RGS7BP: variants seen among roughly 807,000 people sequenced by gnomAD.
RGS7BP encodes the protein regulator of G protein signaling 7-binding protein.
Under a neutral mutation model 31.3 loss-of-function variants are expected in RGS7BP, and 9 were observed. The observed-to-expected ratio is 0.29, with a 90% CI of 0.17 to 0.50. The LOEUF is 0.50. Ranked by LOEUF, RGS7BP falls within the 20% of genes least tolerant of loss-of-function variation. The pLI is 0.98. For synonymous variants in RGS7BP, 115 were observed against 120.1 expected, an observed-to-expected ratio of 0.96 and a Z score of 0.28; for missense variants, 274 against 322.0, an observed-to-expected ratio of 0.85 and a Z score of 1.14.
chr5:64,517,570 G>C (rs1362980905), intron 2 of RGS7BP, among the ~76,000 whole-genome samples: 1 of 152,060 alleles, frequency 6.6e-6, no homozygotes, highest in African/African-American at 2.4e-5. Context: ...ATCCATACTT[G>C]TTAACCAGTA....
At chr5:64,513,167 C>T (rs1748884996) in intron 2 of RGS7BP, among the ~76,000 whole-genome samples, 2 of 152,156 alleles carry the variant, frequency 1.3e-5, no homozygotes, top group African/African-American at 4.8e-5. Context: ...AGATCCAAAC[C>T]TAGTACATTC....
intron 5 of RGS7BP, among the ~76,000 whole-genome samples, chr5:64,605,099 CCT>C (rs1561352254): frequency 6.6e-6 from 1 of 151,918 alleles, no homozygotes; most frequent in Non-Finnish European, 1.5e-5. Context: ...TCCTATTCTC[CCT>C]CTTTTTTTTT....
chr5:64,522,569 A>G (rs1749134020), intron 2 of RGS7BP, among the ~76,000 whole-genome samples: 1 of 152,210 alleles, frequency 6.6e-6, no homozygotes, highest in Non-Finnish European at 1.5e-5. Flanking sequence ...GTACTGTACC[A>G]TCATTGAATA....
chr5:64,606,006 A>G (rs1055583661), intron 5 of RGS7BP, among the ~76,000 whole-genome samples: 3 of 136,612 alleles, frequency 2.2e-5, no homozygotes, highest in African/African-American at 8.3e-5. Context: ...TGCTATATAT[A>G]TGTATATCTG....
intron 2 of RGS7BP, among the ~76,000 whole-genome samples, chr5:64,512,293 A>G (rs1244292510): frequency 1.3e-5 from 2 of 152,224 alleles, no homozygotes. Flanking sequence ...GATGGGAAAG[A>G]GCACTGATTC....
intron 2 of RGS7BP, among the ~76,000 whole-genome samples, chr5:64,552,029 A>C (rs1290485588): frequency 6.6e-6 from 1 of 152,198 alleles, no homozygotes; most frequent in Non-Finnish European, 1.5e-5. Flanking sequence ...TAGAAGCTGG[A>C]TATGTGCCTT....
chr5:64,528,112 C>T (rs1749277180), intron 2 of RGS7BP, among the ~76,000 whole-genome samples: 1 of 152,186 alleles, frequency 6.6e-6, no homozygotes, highest in African/African-American at 2.4e-5. Context: ...AATGTACTAA[C>T]CTTAGACTTG....
intron 5 of RGS7BP, among the ~76,000 whole-genome samples, chr5:64,607,273 T>A (rs62372276): frequency 0.11 from 17,130 of 152,136 alleles, 994 homozygotes; most frequent in Middle Eastern, 0.18. Context: ...AAAAAGTATC[T>A]GAGACACATC....
In RGS7BP at chr5:64,506,838, TG is replaced by T. The variant is rs71608566; in HGVS notation, c.165+55del. The T allele has an allele frequency of 1.4e-6, 2 of 1,436,130 alleles. No individual in the cohort carries two copies. The highest frequency in any genetic ancestry group is 9.4e-7 in the Non-Finnish European group (1 of 1,068,022). 89.0% of individuals were successfully genotyped at this position (1,436,130 alleles called of 1,614,324 possible). A position where few individuals can be genotyped will look rare whatever the true frequency, so the allele number is the denominator to read the frequency against. ...TTTTTTTTTTTTAATTGAGAGGGGGTGGGGGGAGTCATGTATGTTAATCATT... is the reference window on the plus strand; with the variant it reads ...TTTTTTTTTTTTAATTGAGAGGGGGTGGGGGAGTCATGTATGTTAATCATT... On this transcript the variant is annotated intron_variant, in intron 1 of 5. Coordinates refer to ENST00000334025, the MANE Select transcript of RGS7BP (RefSeq NM_001029875.3). The surrounding 1 kb of genome is among the most constrained non-coding windows in gnomAD (Gnocchi z 4.6).
chr5:64,568,782 G>A (rs1390438203), intron 2 of RGS7BP, among the ~76,000 whole-genome samples: 1 of 137,548 alleles, frequency 7.3e-6, no homozygotes, highest in Non-Finnish European at 1.6e-5. Context: ...GATGGTTATT[G>A]TTTTTTTTTT....
intron 2 of RGS7BP, among the ~76,000 whole-genome samples, chr5:64,557,161 C>T (rs1741947836): frequency 6.6e-6 from 1 of 152,124 alleles, no homozygotes; most frequent in Admixed American, 6.6e-5. Flanking sequence ...GAAAATACTT[C>T]CTGCTCACCT....
At chr5:64,580,447 A>T (rs1477436966) in intron 3 of RGS7BP, among the ~76,000 whole-genome samples, 3 of 152,182 alleles carry the variant, frequency 2.0e-5, no homozygotes, top group African/African-American at 7.2e-5. Flanking sequence ...TAGGCTCAAA[A>T]TGAGCAGTGG....
intron 3 of RGS7BP, among the ~76,000 whole-genome samples, chr5:64,580,636 T>G (rs1028049488): frequency 9.2e-5 from 14 of 151,794 alleles, no homozygotes; most frequent in Non-Finnish European, 1.6e-4. Flanking sequence ...TGTCATATCT[T>G]AGCAAAAATG....
chr5:64,522,419 ACTCT>A (rs1749129294), intron 2 of RGS7BP, among the ~76,000 whole-genome samples: 1 of 151,880 alleles, frequency 6.6e-6, no homozygotes, highest in Non-Finnish European at 1.5e-5. Flanking sequence ...CTCACTAAAG[ACTCT>A]CTATATAGGG....
intron 3 of RGS7BP, among the ~76,000 whole-genome samples, chr5:64,580,040 A>T (rs1252625820): frequency 1.6e-4 from 25 of 152,202 alleles, no homozygotes; most frequent in Admixed American, 1.6e-3. Flanking sequence ...ATACACAAGT[A>T]TATGACTCTT....
rs570490156 is a variant in RGS7BP at position 64,527,528 on chromosome 5, G to A, written c.332+19651G>A. Among the ~76,000 whole-genome samples the A allele has an allele frequency of 3.4e-5, 5 of 146,180 alleles. No homozygotes were observed. The South Asian group carries it at 8.6e-4, about 25-fold the overall frequency. On this transcript the variant is annotated intron_variant, in intron 2 of 5. Coordinates refer to ENST00000334025, the MANE Select transcript of RGS7BP (RefSeq NM_001029875.3). Reference sequence around the variant, plus strand: ...TTGGTCAATTCCCTGACCACTCTTGGTTGCGGTTTTCATATCATTTCTAAG... The same window carrying A: ...TTGGTCAATTCCCTGACCACTCTTGATTGCGGTTTTCATATCATTTCTAAG...
chr5:64,548,172 G>A (rs551926449), intron 2 of RGS7BP, among the ~76,000 whole-genome samples: 1 of 151,944 alleles, frequency 6.6e-6, no homozygotes, highest in South Asian at 2.1e-4. Flanking sequence ...ATACAATATT[G>A]TCAATATCAT....
chr5:64,517,450 TTAAC>T (rs562152997), intron 2 of RGS7BP, among the ~76,000 whole-genome samples: 8 of 152,338 alleles, frequency 5.3e-5, no homozygotes, highest in African/African-American at 1.7e-4. Flanking sequence ...TTTTTACCAC[TTAAC>T]TTTTAAACAC....
At chr5:64,598,727 CCTACAAAGGAAGATCT>C (rs1463419151) in intron 5 of RGS7BP, among the ~76,000 whole-genome samples, 1 of 152,156 alleles carries the variant, frequency 6.6e-6, no homozygotes, top group Non-Finnish European at 1.5e-5. Context: ...CTTAAGAACA[CCTACAAAGGAAGATCT>C]CTGCCATCCA....
Sources: gnomAD v4.1 joint callset for allele counts (sites outside exome capture counted in the v4.1 genomes callset) on GRCh38, gnomAD v4.1.1 for gene constraint, Gnocchi (gnomAD v3.1) non-coding constraint, MANE v1.5 for transcripts, NCBI Gene and HGNC (gene_info 2026-07-23, HGNC 2026-07-21) for gene names.